The following FSHR variants were observed in gnomAD, a reference collection of about 807,000 sequenced individuals.
FSHR encodes follicle-stimulating hormone receptor.
FSHR carries 46 observed loss-of-function variants against 52.1 expected under a neutral mutation model. That is an observed-to-expected ratio of 0.88 (90% CI 0.70 to 1.13). FSHR has a LOEUF of 1.13. FSHR is among the 50% of genes most tolerant of loss of function. The pLI, the probability that FSHR is intolerant of heterozygous loss-of-function variation, is 0.00. For synonymous variants in FSHR, 399 were observed against 309.6 expected (o/e 1.29, Z -3.03); for missense variants, 964 against 834.6 (o/e 1.16, Z -1.91).
In FSHR at chr2:48,983,157, A is replaced by T. The variant is rs1675331716; in HGVS notation, c.534T>A (p.Asn178Lys). 6.2e-7 allele frequency: 1 copy of T among 1,614,102 alleles called. No homozygotes were observed. The change falls in exon 7 of 10, where the codon AAT becomes AAA. Residue 178 changes from asparagine (N) to lysine (K), a missense_variant. Transcript: ENST00000406846. ...LSFESVILWLNKNGIQEIHNC... is the reference protein window; with the variant it reads ...LSFESVILWLKKNGIQEIHNC... ...TGTGTATTTCTTGAATCCCATTCTT[A>T]TTCAGCCATCTGAAATAAAAGGCCT...
At chr2:49,031,942 T>C (rs1284250575) in intron 2 of FSHR, among the ~76,000 whole-genome samples, 1 of 152,218 alleles carries the variant, frequency 6.6e-6, no homozygotes, top group African/African-American at 2.4e-5. Flanking sequence ...CTAGTGACTA[T>C]AAATCCCTTA....
At chr2:49,127,879 T>G (rs1672112225) in intron 1 of FSHR, among the ~76,000 whole-genome samples, 1 of 49,096 alleles carries the variant, frequency 2.0e-5, no homozygotes, top group Non-Finnish European at 3.3e-5. Flanking sequence ...TTCTTCTTCT[T>G]CTTCTTCTTC....
Position 48,963,952 on chromosome 2 carries a change from G to T in FSHR, c.869C>A (p.Pro290Gln). The stretch of plus-strand genomic sequence containing the variant: ...CCTTAAAATAGATTTGTTGCAAATT[G>T]GATGAAGCTCAGAGCTAGAAAAATA... ...NWRRQISELH[P>Q]ICNKSILRQE... The change falls in exon 10 of 10, where the codon CCA becomes CAA. Residue 290 changes from proline (P) to glutamine (Q), a missense_variant. Physicochemically the swap from Pro to Gln is moderately conservative, Grantham distance 76. Transcript: ENST00000406846. The T allele has an allele frequency of 1.9e-6, 3 of 1,613,262 alleles. No individual in the cohort carries two copies. The highest frequency in any genetic ancestry group is 2.5e-6 in the Non-Finnish European group (3 of 1,179,948).
chr2:49,031,233 T>C (rs1434578779), intron 2 of FSHR, among the ~76,000 whole-genome samples: 1 of 152,232 alleles, frequency 6.6e-6, no homozygotes, highest in Non-Finnish European at 1.5e-5. Flanking sequence ...TTCCTCATGT[T>C]AGCAGCTTCT....
intron 1 of FSHR, among the ~76,000 whole-genome samples, chr2:49,087,850 A>G (rs753108473): frequency 7.9e-5 from 12 of 152,230 alleles, no homozygotes; most frequent in Non-Finnish European, 1.8e-4. Flanking sequence ...GTGATAAGAC[A>G]GACACATTTC....
intron 4 of FSHR, among the ~76,000 whole-genome samples, chr2:49,004,490 C>A (rs1009574634): frequency 6.6e-6 from 1 of 152,154 alleles, no homozygotes; most frequent in Non-Finnish European, 1.5e-5. Flanking sequence ...ATATGATGAA[C>A]TCAGGACAGG....
At chr2:49,128,805 C>A (rs900695941) in intron 1 of FSHR, among the ~76,000 whole-genome samples, 1 of 151,822 alleles carries the variant, frequency 6.6e-6, no homozygotes, top group Non-Finnish European at 1.5e-5. Context: ...TGGAAAAACT[C>A]GGACATGTGG....
chr2:49,072,675 C>T (rs1669780444), intron 1 of FSHR, among the ~76,000 whole-genome samples: 1 of 152,112 alleles, frequency 6.6e-6, no homozygotes, highest in Non-Finnish European at 1.5e-5. Context: ...AAAGTTTAAT[C>T]TACACTAACT....
intron 1 of FSHR, among the ~76,000 whole-genome samples, chr2:49,129,532 G>C (rs559894008): frequency 2.6e-5 from 4 of 152,296 alleles, no homozygotes; most frequent in African/African-American, 9.6e-5. Context: ...GTGAGCAGCA[G>C]ATCCAGAGAC....
chr2:49,067,003 G>T (rs1213708860), intron 2 of FSHR, among the ~76,000 whole-genome samples: 1 of 151,974 alleles, frequency 6.6e-6, no homozygotes, highest in African/African-American at 2.4e-5. Flanking sequence ...TCTAATCCCT[G>T]TGATAGTTGA....
intron 1 of FSHR, among the ~76,000 whole-genome samples, chr2:49,139,419 G>A (rs982654098): frequency 1.3e-5 from 2 of 152,070 alleles, no homozygotes; most frequent in Non-Finnish European, 2.9e-5. Context: ...TTATGTATAT[G>A]CATGTGAATC....
intron 2 of FSHR, among the ~76,000 whole-genome samples, chr2:49,064,107 C>T (rs1669417574): frequency 6.6e-6 from 1 of 150,588 alleles, no homozygotes; most frequent in Non-Finnish European, 1.5e-5. Flanking sequence ...CATGGTGGGG[C>T]AAATATGGAA....
intron 1 of FSHR, among the ~76,000 whole-genome samples, chr2:49,134,096 C>T (rs1156380077): frequency 2.0e-5 from 3 of 152,134 alleles, no homozygotes; most frequent in Non-Finnish European, 2.9e-5. Context: ...AGAGCTTCTG[C>T]ATAGCAAAAG....
At chr2:48,965,218 T>G (rs1353362063) in intron 9 of FSHR, among the ~76,000 whole-genome samples, 1 of 152,118 alleles carries the variant, frequency 6.6e-6, no homozygotes, top group Non-Finnish European at 1.5e-5. Context: ...TCTTGCCAGG[T>G]GTTCCAACCT....
intron 8 of FSHR, 26 bp downstream of exon 8, chr2:48,982,885 CA>C: frequency 1.3e-6 from 2 of 1,586,372 alleles, no homozygotes; most frequent in Non-Finnish European, 1.7e-6. Context: ...TGAGCTCTTA[CA>C]CACAGAAATG....
intron 2 of FSHR, among the ~76,000 whole-genome samples, chr2:49,021,886 TAGAG>T (rs58926557): frequency 0.02 from 488 of 24,944 alleles, 6 homozygotes; most frequent in African/African-American, 0.044. Flanking sequence ...TATATATATA[TAGAG>T]AGAGAGAGAG....
At chr2:49,052,728 C>T (rs184962174) in intron 2 of FSHR, among the ~76,000 whole-genome samples, 11 of 152,304 alleles carry the variant, frequency 7.2e-5, no homozygotes, top group Admixed American at 2.6e-4. Context: ...CTCTCCTTTT[C>T]GCTTTGAGTA....
chr2:49,107,016 T>G (rs1671246505), intron 1 of FSHR, among the ~76,000 whole-genome samples: 1 of 152,190 alleles, frequency 6.6e-6, no homozygotes. Context: ...CTACAATATC[T>G]AAAGACAACT....
intron 4 of FSHR, among the ~76,000 whole-genome samples, chr2:48,994,940 C>G (rs1573064603): frequency 6.6e-6 from 1 of 152,214 alleles, no homozygotes. Flanking sequence ...AGCTTCTCTC[C>G]AATCAGGATA....
Sources: allele counts gnomAD v4.1 joint callset (sites outside exome capture counted in the v4.1 genomes callset), GRCh38; gene constraint gnomAD v4.1.1; transcripts MANE v1.5; gene names NCBI Gene and HGNC (gene_info 2026-07-23, HGNC 2026-07-21).